ABCA4: variants seen among roughly 807,000 people sequenced by gnomAD.
ABCA4 encodes retinal-specific phospholipid-transporting ATPase ABCA4.
In ABCA4, 196 loss-of-function variants were observed where a neutral mutation model predicts 263.7. The ratio of observed to expected loss-of-function variants is 0.74; its 90% confidence interval spans 0.66 to 0.84. The LOEUF is 0.84. ABCA4 is among the 40% of genes least tolerant of loss of function. ABCA4 has a pLI of 0.00. For missense variants in ABCA4, 2,792 were observed against 2,855.1 expected (o/e 0.98, Z 0.50); for synonymous variants, 1,133 against 1,094.2 (o/e 1.04, Z -0.70).
rs886042034 is a variant in ABCA4 at position 94,079,463 on chromosome 1, T to A, written c.1100-2A>T. On this transcript the variant is annotated splice_acceptor_variant, in intron 8 of 49. Coordinates refer to ENST00000370225, the MANE Select transcript of ABCA4 (RefSeq NM_000350.3). LOFTEE classifies it high-confidence loss of function. Reference sequence around the variant, plus strand: ...GGATCAATGCATTACAAAAGGATGCTGCCAGGAGACAAGGGACAGATTTTA... The same window carrying A: ...GGATCAATGCATTACAAAAGGATGCAGCCAGGAGACAAGGGACAGATTTTA... 2 of 1,614,196 alleles carry A rather than the reference T, an allele frequency of 1.2e-6. No individual in the cohort carries two copies. Among genetic ancestry groups the A allele is most frequent in the Non-Finnish European group, 8.5e-7 (1 of 1,180,024 alleles).
intron 4 of ABCA4, among the ~76,000 whole-genome samples, chr1:94,104,747 C>T (rs1299263154): frequency 1.3e-5 from 2 of 152,146 alleles, no homozygotes; most frequent in African/African-American, 4.8e-5. Context: ...ACACAGGGCC[C>T]GAAGGGAGGA....
chr1:94,047,996 C>A (rs963008949), intron 18 of ABCA4, among the ~76,000 whole-genome samples: 2 of 152,234 alleles, frequency 1.3e-5, no homozygotes, highest in Non-Finnish European at 2.9e-5. Flanking sequence ...GCCTTGCCTG[C>A]AACTGAGGTG....
chr1:94,108,780 C>T, intron 3 of ABCA4, 64 bp from the exon 4 acceptor site: 1 of 1,582,802 alleles, frequency 6.3e-7, no homozygotes. Flanking sequence ...AATAATATCT[C>T]ATGCTATTTT....
At chr1:94,065,137 C>T (rs1326762170) in intron 11 of ABCA4, among the ~76,000 whole-genome samples, 1 of 152,066 alleles carries the variant, frequency 6.6e-6, no homozygotes, top group East Asian at 1.9e-4. Context: ...GACTCCCTCC[C>T]CAATTTCACC....
rs781780151 is a variant in ABCA4, at chr1:94,044,664, G to T, written c.2999C>A (p.Ala1000Glu). 1 of 1,614,102 alleles carries T rather than the reference G, an allele frequency of 6.2e-7. No homozygotes were observed. The highest frequency in any genetic ancestry group is 8.5e-7 in the Non-Finnish European group (1 of 1,180,060). Residue 1000 changes from alanine to glutamate, a missense_variant, in exon 20 of 50, where the codon GCA becomes GAA. Ala to Glu is a moderately radical substitution (Grantham distance 107). Coordinates refer to ENST00000370225, the MANE Select transcript of ABCA4 (RefSeq NM_000350.3). ...ACACATGCCAAGGCTCTGCCGGACT[G>T]CATCCAGGCTGGTTTCAATGTCCCT... is the stretch of plus-strand genomic sequence containing the variant. ...GGRDIETSLD[A>E]VRQSLGMCPQ... is the part of the protein sequence containing the mutation.
At chr1:94,091,641 A>T (rs1289560589) in intron 6 of ABCA4, among the ~76,000 whole-genome samples, 1 of 151,394 alleles carries the variant, frequency 6.6e-6, no homozygotes, top group Non-Finnish European at 1.5e-5. Flanking sequence ...TCCTATGCCA[A>T]ATAAGTTCTC....
chr1:94,048,715 T>C (rs906116573), intron 18 of ABCA4, among the ~76,000 whole-genome samples, 153 bp downstream of exon 18: 2 of 152,210 alleles, frequency 1.3e-5, no homozygotes, highest in Non-Finnish European at 2.9e-5. Flanking sequence ...CAGATGGACC[T>C]CTGAGAAGGG....
At chr1:94,083,265 T>C (rs1413852515) in intron 7 of ABCA4, 87 bp downstream of exon 7, 9 of 1,201,058 alleles carry the variant, frequency 7.5e-6, no homozygotes, top group Non-Finnish European at 9.8e-6. Context: ...TGAACAGGTT[T>C]GAAATACAAT....
chr1:94,119,154 G>GA (rs1388174348), intron 1 of ABCA4, among the ~76,000 whole-genome samples: 1 of 152,044 alleles, frequency 6.6e-6, no homozygotes, highest in African/African-American at 2.4e-5. Flanking sequence ...ATGAATACAT[G>GA]AAAAAATTTA....
intron 5 of ABCA4, among the ~76,000 whole-genome samples, chr1:94,101,152 C>T (rs946471435): frequency 6.6e-6 from 1 of 152,258 alleles, no homozygotes; most frequent in Non-Finnish European, 1.5e-5. Context: ...AAGCACAGTA[C>T]TAGAGATCTA....
In ABCA4 at chr1:94,041,439, C is replaced by T. The variant is rs536448555; in HGVS notation, c.3329-37G>A. The T allele has an allele frequency of 1.1e-5, 18 of 1,610,630 alleles. No individual in the cohort carries two copies. In the East Asian group the frequency reaches 1.8e-4, roughly 16 times the overall value. On this transcript the variant is annotated intron_variant, in intron 22 of 49. Transcript: ENST00000370225. Reference sequence around the variant, plus strand: ...GGGCCAGGGCAATCACCAGGCCTGCCCTGGGTTGGGCATTGTTGGTAAAGG... The same window carrying T: ...GGGCCAGGGCAATCACCAGGCCTGCTCTGGGTTGGGCATTGTTGGTAAAGG...
chr1:94,019,801 G>T (rs549308332), intron 35 of ABCA4, 42 bp from the exon 36 acceptor site: 1 of 1,586,880 alleles, frequency 6.3e-7, no homozygotes, highest in Non-Finnish European at 8.6e-7. Context: ...CGATGAAGAG[G>T]GAAGAGCAGA....
chr1:94,117,835 G>A (rs1662833240), intron 1 of ABCA4, among the ~76,000 whole-genome samples: 1 of 152,206 alleles, frequency 6.6e-6, no homozygotes, highest in African/African-American at 2.4e-5. Flanking sequence ...CATGAAGGCA[G>A]TGGCTGTGTC....
intron 20 of ABCA4, 117 bp downstream of exon 20, chr1:94,044,496 A>G: frequency 1.3e-6 from 2 of 1,482,282 alleles, no homozygotes; most frequent in Non-Finnish European, 1.9e-6. Flanking sequence ...ACCAAATAAG[A>G]GTCTGTATCT....
chr1:94,118,442 TG>T (rs1277837533), intron 1 of ABCA4, among the ~76,000 whole-genome samples: 1 of 151,896 alleles, frequency 6.6e-6, no homozygotes, highest in Non-Finnish European at 1.5e-5. Context: ...ATGGGCTGGG[TG>T]GTTGTACTTT....
Position 94,011,367 on chromosome 1 carries a change from C to T in ABCA4, c.5479G>A (p.Ala1827Thr), listed in dbSNP as rs530098237. The T allele has an allele frequency of 2.1e-5, 34 of 1,613,904 alleles. No homozygotes were observed. The highest frequency in any genetic ancestry group is 2.7e-5 in the Non-Finnish European group (32 of 1,179,992). The change falls in exon 39 of 50, where the codon GCC becomes ACC. Residue 1827 changes from alanine to threonine, a missense_variant. Coordinates refer to ENST00000370225, the MANE Select transcript of ABCA4 (RefSeq NM_000350.3). ...ACAATGAGCAGCTTCCTCAGCACGGCGTTGAACCTGAGCAGCGTCTGAAAC... is the reference window on the plus strand; with the variant it reads ...ACAATGAGCAGCTTCCTCAGCACGGTGTTGAACCTGAGCAGCGTCTGAAAC... ...ENNRTLLRFN[A>T]VLRKLLIVFP...
chr1:94,082,366 A>G (rs1354429796), intron 7 of ABCA4, among the ~76,000 whole-genome samples: 1 of 152,234 alleles, frequency 6.6e-6, no homozygotes. Context: ...TGGAACTTCT[A>G]CTCAGAACTA....
chr1:94,045,808 C>T (rs1660654605), intron 19 of ABCA4: 2 of 456,206 alleles, frequency 4.4e-6, no homozygotes, highest in South Asian at 3.1e-5. Context: ...GTTGTTCCTT[C>T]CTGGGGCTCT....
intron 5 of ABCA4, among the ~76,000 whole-genome samples, chr1:94,100,475 G>T (rs1240068623): frequency 6.6e-6 from 1 of 152,236 alleles, no homozygotes; most frequent in African/African-American, 2.4e-5. Flanking sequence ...GGCCTTGTGA[G>T]ATTTGAACCC....
Sources: allele counts gnomAD v4.1 joint callset (sites outside exome capture counted in the v4.1 genomes callset), GRCh38; gene constraint gnomAD v4.1.1; transcripts MANE v1.5; gene names NCBI Gene and HGNC (gene_info 2026-07-23, HGNC 2026-07-21).